GRM3: variants seen among roughly 807,000 people sequenced by gnomAD.
GRM3 encodes the protein metabotropic glutamate receptor 3.
GRM3 carries 26 observed loss-of-function variants against 70.5 expected under a neutral mutation model. The ratio of observed to expected loss-of-function variants is 0.37; its 90% confidence interval spans 0.27 to 0.51. The LOEUF (loss-of-function observed/expected upper bound fraction) is 0.51. Among genes scored for constraint, GRM3 ranks in the 20% least tolerant of loss-of-function variants. The probability of loss-of-function intolerance (pLI) is 0.93; values close to 1 mark genes in which losing one functional copy is unlikely to be tolerated. For missense variants in GRM3, 859 were observed against 1,123.8 expected, an observed-to-expected ratio of 0.76 and a Z score of 3.37; for synonymous variants, 443 against 434.9, an observed-to-expected ratio of 1.02 and a Z score of -0.23.
chr7:86,832,791 A>C (rs568186484), intron 3 of GRM3, among the ~76,000 whole-genome samples: 10 of 152,278 alleles, frequency 6.6e-5, no homozygotes, highest in African/African-American at 2.2e-4. Context: ...TCACCTTGGT[A>C]TTCAAGCCAA....
intron 1 of GRM3, among the ~76,000 whole-genome samples, chr7:86,725,849 G>A (rs1214448112): frequency 2.0e-5 from 3 of 152,108 alleles, no homozygotes; most frequent in Non-Finnish European, 2.9e-5. Context: ...GTCCTCACAT[G>A]GCAGAAGAAG....
intron 1 of GRM3, among the ~76,000 whole-genome samples, chr7:86,679,771 A>C (rs1203397816): frequency 6.6e-6 from 1 of 151,954 alleles, no homozygotes; most frequent in Non-Finnish European, 1.5e-5. Flanking sequence ...TTATTGGGTC[A>C]TTATTTCCAA....
rs768237070 is a variant in GRM3, at chr7:86,839,151, G to C, written c.1637G>C (p.Cys546Ser). Reference sequence around the variant, plus strand: ...GAATACCTGGCTGATGAGTTTACCTGTATGGATTGTGGGTCTGGACAGTGG... The same window carrying C: ...GAATACCTGGCTGATGAGTTTACCTCTATGGATTGTGGGTCTGGACAGTGG... ...PYEYLADEFT[C>S]MDCGSGQWPT... The change falls in exon 4 of 6, where the codon TGT (cysteine) becomes TCT (serine). Residue 546 changes from cysteine to serine, a missense_variant. Coordinates refer to ENST00000361669, the MANE Select transcript of GRM3 (RefSeq NM_000840.3). This position sits in a 1 kb window ranked among gnomAD's most constrained non-coding sequence, Gnocchi z 4.5. 6.2e-7 allele frequency: 1 copy of C among 1,613,962 alleles called. No individual in the cohort carries two copies. Among genetic ancestry groups the C allele is most frequent in the Non-Finnish European group, 8.5e-7 (1 of 1,179,956 alleles).
At chr7:86,682,949 C>A (rs1794476356) in intron 1 of GRM3, among the ~76,000 whole-genome samples, 1 of 152,124 alleles carries the variant, frequency 6.6e-6, no homozygotes, top group South Asian at 2.1e-4. Flanking sequence ...AGTTACCATG[C>A]TGAGGGGCTT....
intron 1 of GRM3, among the ~76,000 whole-genome samples, chr7:86,668,032 C>A (rs1368418821): frequency 2.6e-5 from 4 of 152,082 alleles, no homozygotes; most frequent in Non-Finnish European, 5.9e-5. Flanking sequence ...GCAAGTCTGA[C>A]CCCGTTTGGT....
intron 1 of GRM3, among the ~76,000 whole-genome samples, chr7:86,745,044 T>G (rs1257091427): frequency 1.3e-5 from 2 of 152,196 alleles, no homozygotes; most frequent in African/African-American, 4.8e-5. Flanking sequence ...GGAACAAAGT[T>G]GGGCTTTCAC....
chr7:86,724,132 G>A (rs1408794924), intron 1 of GRM3, among the ~76,000 whole-genome samples: 1 of 152,126 alleles, frequency 6.6e-6, no homozygotes, highest in African/African-American at 2.4e-5. Context: ...CCAATAACAT[G>A]AGCAGACAGA....
chr7:86,729,833 C>T (rs574703702), intron 1 of GRM3, among the ~76,000 whole-genome samples: 61 of 152,300 alleles, frequency 4.0e-4, no homozygotes, highest in African/African-American at 1.3e-3. Flanking sequence ...CTCGGCCGGG[C>T]GCAGTGGCTC....
chr7:86,648,130 C>G (rs1277145983), intron 1 of GRM3, among the ~76,000 whole-genome samples: 1 of 152,160 alleles, frequency 6.6e-6, no homozygotes, highest in African/African-American at 2.4e-5. Context: ...GATGGCAATT[C>G]TATGTCCAGA....
At chr7:86,754,571 G>A (rs993616988) in intron 1 of GRM3, among the ~76,000 whole-genome samples, 1 of 152,066 alleles carries the variant, frequency 6.6e-6, no homozygotes, top group Non-Finnish European at 1.5e-5. Context: ...CTATATGTAA[G>A]GGTATAAATG....
chr7:86,720,093 A>C (rs573454155), intron 1 of GRM3, among the ~76,000 whole-genome samples: 1 of 152,202 alleles, frequency 6.6e-6, no homozygotes, highest in East Asian at 1.9e-4. Context: ...ACAGTAGTCC[A>C]AAGGAGAGAT....
rs569461770 is a variant in GRM3, at chr7:86,733,034, G to T, written c.-140-31972G>T. Among the ~76,000 whole-genome samples the T allele has an allele frequency of 7.2e-4, 110 of 152,272 alleles. 1 individual carries two copies. Among genetic ancestry groups the T allele is most frequent in the African/African-American group, 2.6e-3 (106 of 41,542 alleles). On this transcript the variant is annotated intron_variant, in intron 1 of 5. Transcript: ENST00000361669. ...TGGGGAGATAAGAAAGGCTGAGATG[G>T]CCGGGCGTGGTGTCTCACGCCTGTA... is the stretch of plus-strand genomic sequence containing the variant.
At chr7:86,762,304 A>G (rs1403674394) in intron 1 of GRM3, among the ~76,000 whole-genome samples, 2 of 152,112 alleles carry the variant, frequency 1.3e-5, no homozygotes, top group Non-Finnish European at 2.9e-5. Flanking sequence ...TGAGCATTCC[A>G]ATGGCTGCTG....
At chr7:86,662,589 A>T (rs1793920372) in intron 1 of GRM3, among the ~76,000 whole-genome samples, 1 of 151,954 alleles carries the variant, frequency 6.6e-6, no homozygotes, top group Non-Finnish European at 1.5e-5. Context: ...GGTTTTATGT[A>T]TATCTAAGGT....
intron 1 of GRM3, among the ~76,000 whole-genome samples, chr7:86,699,811 T>G (rs903383232): frequency 6.6e-6 from 1 of 152,014 alleles, no homozygotes; most frequent in South Asian, 2.1e-4. Context: ...TGAGGAGAAC[T>G]AGCTTTTCCC....
chr7:86,823,323 C>T (rs1035497801), intron 3 of GRM3, among the ~76,000 whole-genome samples: 4 of 151,996 alleles, frequency 2.6e-5, no homozygotes, highest in Non-Finnish European at 4.4e-5. Context: ...TCTCAGCATC[C>T]CAGATTCATC....
chr7:86,852,630 C>T (rs547193574), intron 5 of GRM3, among the ~76,000 whole-genome samples: 14 of 152,168 alleles, frequency 9.2e-5, no homozygotes, highest in African/African-American at 3.4e-4. Flanking sequence ...TAAATTCAGA[C>T]CTCATTGTTT....
chr7:86,705,934 T>C (rs115302775), intron 1 of GRM3, among the ~76,000 whole-genome samples: 2,048 of 152,228 alleles, frequency 0.013, 38 homozygotes, highest in African/African-American at 0.047. Flanking sequence ...AATTTTATAA[T>C]AGCAAGTAAA....
chr7:86,813,375 T>TA (rs556294757), intron 3 of GRM3, among the ~76,000 whole-genome samples: 73 of 151,938 alleles, frequency 4.8e-4, no homozygotes, highest in Non-Finnish European at 9.1e-4. Flanking sequence ...TCAATCTGTT[T>TA]AGAGTCCAGT....
Sources: allele counts gnomAD v4.1 joint callset (sites outside exome capture counted in the v4.1 genomes callset), GRCh38; gene constraint gnomAD v4.1.1; non-coding constraint Gnocchi (gnomAD v3.1); transcripts MANE v1.5; gene names NCBI Gene and HGNC (gene_info 2026-07-23, HGNC 2026-07-21).